HIF3A: variants seen among roughly 807,000 people sequenced by gnomAD.
The protein encoded by HIF3A is hypoxia-inducible factor 3-alpha.
A neutral mutation model predicts 67.2 loss-of-function variants in HIF3A; 41 were observed. The ratio of observed to expected loss-of-function variants is 0.61; its 90% CI spans 0.48 to 0.79. The LOEUF (loss-of-function observed/expected upper bound fraction) is 0.79. HIF3A is among the 30% of genes least tolerant of loss of function. The probability of loss-of-function intolerance (pLI) is 0.00; values close to 1 mark genes in which losing one functional copy is unlikely to be tolerated. For synonymous variants in HIF3A, 356 were observed against 374.8 expected (o/e 0.95, Z 0.58); for missense variants, 855 against 898.0 (o/e 0.95, Z 0.61).
intron 11 of HIF3A, chr19:46,329,002 G>T (rs1018653714): frequency 2.2e-6 from 1 of 464,268 alleles, no homozygotes; most frequent in Non-Finnish European, 3.8e-6. Flanking sequence ...GGGATTACAG[G>T]TGTGAGCTAC....
intron 11 of HIF3A, 135 bp from the exon 12 acceptor site, chr19:46,329,072 A>G: frequency 1.2e-6 from 1 of 817,902 alleles, no homozygotes; most frequent in East Asian, 2.6e-5. Context: ...CCTTATACCC[A>G]TTTTACAGAT....
intron 10 of HIF3A, among the ~76,000 whole-genome samples, chr19:46,324,340 T>C (rs1970602208): frequency 6.6e-6 from 1 of 152,212 alleles, no homozygotes; most frequent in South Asian, 2.1e-4. Context: ...TCAATATTTG[T>C]TGTGAAGATA....
intron 1 of HIF3A, chr19:46,298,415 C>T (rs531671617): frequency 7.0e-6 from 9 of 1,288,606 alleles, no homozygotes; most frequent in East Asian, 5.6e-5. Flanking sequence ...ATCTCACCGC[C>T]GTGCGCACCC....
Position 46,308,003 on chromosome 19 carries a change from T to TAGAC in HIF3A, c.364-215_364-214insCAGA, listed in dbSNP as rs1036993481. ...ACAGACAGACAGACAGACAGACAGA[T>TAGAC]AGATAGATAGATAGATGAGGGCCTG... On this transcript the variant is annotated intron_variant, in intron 3 of 14. Coordinates refer to ENST00000377670, the MANE Select transcript of HIF3A (RefSeq NM_152795.4). Among the ~76,000 whole-genome samples, 34 of 13,662 alleles carry TAGAC rather than the reference T, an allele frequency of 2.5e-3. No homozygotes were observed. In the South Asian group the frequency reaches 0.073, roughly 29 times the overall value. The allele number at this position is 13,662 out of a possible 152,430, so 9.0% of individuals were successfully genotyped here. A position where few individuals can be genotyped will look rare whatever the true frequency, so the allele number is the denominator to read the frequency against.
At chr19:46,308,420 A>G (rs944985710) in intron 4 of HIF3A, 115 bp downstream of exon 4, 4 of 736,418 alleles carry the variant, frequency 5.4e-6, no homozygotes, top group African/African-American at 1.8e-5. Flanking sequence ...AAGTAGGAAG[A>G]GGAGAGATGG....
At chr19:46,298,758 C>T (rs1968076683) in intron 1 of HIF3A, among the ~76,000 whole-genome samples, 4 of 152,276 alleles carry the variant, frequency 2.6e-5, no homozygotes, top group South Asian at 4.1e-4. Context: ...GACCCCCATG[C>T]CAAGTCCCTT....
rs1568500692 is a variant in HIF3A, at chr19:46,304,101, C to T, written c.217+13C>T. On this transcript the variant is annotated intron_variant, in intron 2 of 14. Coordinates refer to ENST00000377670, the MANE Select transcript of HIF3A (RefSeq NM_152795.4). ...CTCTGCGCCGCAGGTGAGCCCCGCCCGCGGGAATTCCCGTCTTGGTCAGGC... is the reference window on the plus strand; with the variant it reads ...CTCTGCGCCGCAGGTGAGCCCCGCCTGCGGGAATTCCCGTCTTGGTCAGGC... The T allele has an allele frequency of 6.5e-7, 1 of 1,548,462 alleles. No individual in the cohort carries two copies. The highest frequency in any genetic ancestry group is 8.7e-7 in the Non-Finnish European group (1 of 1,148,422).
chr19:46,324,890 T>TTATATATA (rs548474180), intron 10 of HIF3A, among the ~76,000 whole-genome samples: 172 of 137,086 alleles, frequency 1.3e-3, no homozygotes, highest in African/African-American at 4.4e-3. Context: ...ATGTTTTTAT[T>TTATATATA]TATATATATA....
At chr19:46,307,607 G>T (rs1285448810) in intron 3 of HIF3A, among the ~76,000 whole-genome samples, 2 of 152,064 alleles carry the variant, frequency 1.3e-5, no homozygotes, top group South Asian at 4.2e-4. Context: ...AATTAGCCGG[G>T]TGTGGTGGCA....
intron 1 of HIF3A, among the ~76,000 whole-genome samples, chr19:46,300,277 G>T (rs1464834359): frequency 6.6e-6 from 1 of 152,188 alleles, no homozygotes; most frequent in Non-Finnish European, 1.5e-5. Flanking sequence ...ACACTATGGG[G>T]CGTGTAGAGT....
chr19:46,312,588 C>T lies in HIF3A; in HGVS notation c.960C>T (p.Ala320=). ...SGGYLWTQTQ[A]TVVSGGRGPQ... ...GCTACCTGTGGACCCAGACCCAGGC[C>T]ACAGTGGTGTCAGGGGGACGGGGCC... The change falls in exon 8 of 15, where the codon GCC becomes GCT. Residue 320 remains alanine, a synonymous_variant. Coordinates refer to ENST00000377670, the MANE Select transcript of HIF3A (RefSeq NM_152795.4). The T allele has an allele frequency of 6.2e-7, 1 of 1,609,268 alleles. No homozygotes were observed. Among genetic ancestry groups the T allele is most frequent in the East Asian group, 2.2e-5 (1 of 44,836 alleles).
At position 46,329,423 on chromosome 19, in the gene HIF3A, A is replaced by G; in HGVS notation, c.1657A>G (p.Ser553Gly). 3 of 1,588,972 alleles carry G rather than the reference A, an allele frequency of 1.9e-6. No individual in the cohort carries two copies. The highest frequency in any genetic ancestry group is 2.6e-6 in the Non-Finnish European group (3 of 1,166,388). ...GAGTGACCCCCGGCTGAGCTGCTCC[A>G]GCCCTTCCAGAGGGGACCCCTCAGC... The part of the protein sequence containing the change: ...WGSDPRLSCS[S>G]PSRGDPSASS... Residue 553 changes from serine to glycine, a missense_variant, in exon 12 of 15, where the codon AGC becomes GGC. This residue lies in a region of HIF3A where 199 missense variants were observed against 193.8 expected (regional missense o/e 1.03). Transcript: ENST00000377670.
At chr19:46,299,247 G>A (rs571954010) in intron 1 of HIF3A, among the ~76,000 whole-genome samples, 19 of 152,362 alleles carry the variant, frequency 1.2e-4, no homozygotes, top group East Asian at 3.9e-4. Flanking sequence ...GGGGTGTGAC[G>A]GGGGAAGGGA....
rs2147345044 is a variant in HIF3A at position 46,342,050 on chromosome 19, A to T, written c.*2428A>T. On this transcript the variant is annotated 3_prime_UTR_variant, in exon 15 of 15. Coordinates refer to ENST00000377670, the MANE Select transcript of HIF3A (RefSeq NM_152795.4). ...ACCACTCACTAGTTCCAGACTACAC[A>T]ACTTCTAGAAGGTGCCACCTCCAGG... The T allele has an allele frequency of 6.6e-6, 1 of 152,272 alleles. No individual in the cohort carries two copies. The highest frequency in any genetic ancestry group is 2.4e-5 in the African/African-American group (1 of 41,554). 9.4% of individuals were successfully genotyped at this position (152,272 alleles called of 1,614,324 possible). A position where few individuals can be genotyped will look rare whatever the true frequency, so the allele number is the denominator to read the frequency against.
chr19:46,333,589 A>G (rs1555788261), intron 13 of HIF3A, among the ~76,000 whole-genome samples: 2 of 152,004 alleles, frequency 1.3e-5, no homozygotes, highest in South Asian at 2.1e-4. Context: ...GCGAAGGAAG[A>G]AGGAGAAGGG....
intron 13 of HIF3A, among the ~76,000 whole-genome samples, chr19:46,332,088 C>A (rs1156367811): frequency 6.6e-6 from 1 of 152,104 alleles, no homozygotes; most frequent in Non-Finnish European, 1.5e-5. Context: ...GTAACTGCCA[C>A]CTGACCTTGG....
At chr19:46,326,261 A>T (rs1970772181) in intron 11 of HIF3A, among the ~76,000 whole-genome samples, 1 of 152,240 alleles carries the variant, frequency 6.6e-6, no homozygotes, top group African/African-American at 2.4e-5. Context: ...TGTCCTCACA[A>T]CATGGCAGTT....
chr19:46,319,790 C>T (rs957936384), intron 8 of HIF3A, among the ~76,000 whole-genome samples: 4 of 152,188 alleles, frequency 2.6e-5, no homozygotes, highest in African/African-American at 9.7e-5. Context: ...GGTCTCCTCC[C>T]GCTTCTGTCT....
intron 2 of HIF3A, 86 bp from the exon 3 acceptor site, chr19:46,305,159 G>C: frequency 1.9e-6 from 3 of 1,588,706 alleles, no homozygotes; most frequent in Non-Finnish European, 2.6e-6. Context: ...AATGAGGAAA[G>C]GCAGAGGGAG....
Sources: gnomAD v4.1 joint callset for allele counts (sites outside exome capture counted in the v4.1 genomes callset) on GRCh38, gnomAD v4.1.1 for gene constraint, gnomAD v4.1.1 regional missense constraint, MANE v1.5 for transcripts, NCBI Gene and HGNC (gene_info 2026-07-23, HGNC 2026-07-21) for gene names.